EGFR: variants seen among roughly 807,000 people sequenced by gnomAD.
EGFR encodes avian erythroblastic leukemia viral (v-erb-b) oncogene homolog.
Under a neutral mutation model 143.0 loss-of-function variants are expected in EGFR, and 58 were observed. That is an observed-to-expected ratio of 0.41 (90% CI 0.33 to 0.50). The LOEUF (loss-of-function observed/expected upper bound fraction) is 0.50, where lower values mean the gene tolerates loss of function less well. Ranked by LOEUF, EGFR falls within the 20% of genes least tolerant of loss-of-function variation. The probability of loss-of-function intolerance (pLI) is 0.39; values close to 1 mark genes in which losing one functional copy is unlikely to be tolerated. For missense variants in EGFR, 1,307 were observed against 1,579.0 expected (o/e 0.83, Z 2.92); for synonymous variants, 613 against 594.4 (o/e 1.03, Z -0.45).
At chr7:55,036,698 T>C (rs564648057) in intron 1 of EGFR, among the ~76,000 whole-genome samples, 25 of 152,298 alleles carry the variant, frequency 1.6e-4, no homozygotes, top group African/African-American at 6.0e-4. Context: ...TCTCTTAAAT[T>C]CAAAGTGGCC....
At chr7:55,186,296 C>T (rs901022145) in intron 20 of EGFR, among the ~76,000 whole-genome samples, 2 of 152,232 alleles carry the variant, frequency 1.3e-5, no homozygotes, top group Admixed American at 6.5e-5. Context: ...GCTTCCAATG[C>T]AACTGCAAGG....
rs566080004 is a variant in EGFR at position 55,150,422 on chromosome 7, TG to T, written c.560-870del. Among the ~76,000 whole-genome samples the T allele has an allele frequency of 2.0e-3, 302 of 152,304 alleles. 1 individual carries two copies. The highest frequency in any genetic ancestry group is 3.2e-3 in the Non-Finnish European group (221 of 68,032). On this transcript the variant is annotated intron_variant, in intron 4 of 27. Coordinates refer to ENST00000275493, the MANE Select transcript of EGFR (RefSeq NM_005228.5). ...CGGCAATTAGCGCCCTTTGCCTTGG[TG>T]GTATTCTGGCTTCACAGTCACATGG... is the stretch of plus-strand genomic sequence containing the variant.
In EGFR at chr7:55,019,229, C is replaced by T. The variant is rs1434137541; in HGVS notation, c.-49C>T. 2 of 1,395,090 alleles carry T rather than the reference C, an allele frequency of 1.4e-6. No individual in the cohort carries two copies. The highest frequency in any genetic ancestry group is 2.3e-5 in the Admixed American group (1 of 43,162). 86.4% of individuals were successfully genotyped at this position (1,395,090 alleles called of 1,614,324 possible). A position where few individuals can be genotyped will look rare whatever the true frequency, so the allele number is the denominator to read the frequency against. On this transcript the variant is annotated 5_prime_UTR_variant, in exon 1 of 28. Transcript: ENST00000275493. ...ACCACCGCGCACGGCCCCCTGACTCCGTCCAGTATTGATCGGGAGAGCCGG... is the reference window on the plus strand; with the variant it reads ...ACCACCGCGCACGGCCCCCTGACTCTGTCCAGTATTGATCGGGAGAGCCGG...
At chr7:55,131,462 G>C (rs1793827421) in intron 1 of EGFR, among the ~76,000 whole-genome samples, 2 of 152,104 alleles carry the variant, frequency 1.3e-5, no homozygotes, top group South Asian at 4.1e-4. Context: ...TCCTTTTACT[G>C]CTTCTCATCT....
In EGFR at chr7:55,191,781, G is replaced by A. The variant is rs2128964517; in HGVS notation, c.2532G>A (p.Leu844=). 1 of 1,614,060 alleles carries A rather than the reference G, an allele frequency of 6.2e-7. No homozygotes were observed. Among genetic ancestry groups the A allele is most frequent in the Non-Finnish European group, 8.5e-7 (1 of 1,180,030 alleles). Residue 844 remains leucine, a synonymous_variant, in exon 21 of 28, where the codon CTG becomes CTA. Coordinates refer to ENST00000275493, the MANE Select transcript of EGFR (RefSeq NM_005228.5). The part of the protein sequence containing the change: ...VHRDLAARNV[L]VKTPQHVKIT... ...GCGACCTGGCAGCCAGGAACGTACT[G>A]GTGAAAACACCGCAGCATGTCAAGA...
intron 1 of EGFR, among the ~76,000 whole-genome samples, chr7:55,054,668 C>T (rs1788685962): frequency 6.6e-6 from 1 of 152,234 alleles, no homozygotes; most frequent in Non-Finnish European, 1.5e-5. Context: ...CATGGCCCCA[C>T]AGAGAGTGCA....
chr7:55,162,118 G>A (rs1785738011), intron 13 of EGFR, among the ~76,000 whole-genome samples: 1 of 152,180 alleles, frequency 6.6e-6, no homozygotes, highest in African/African-American at 2.4e-5. Context: ...TATACCCACG[G>A]ACAAAGAAAT....
chr7:55,089,944 T>C (rs1267150647), intron 1 of EGFR, among the ~76,000 whole-genome samples: 1 of 1,438 alleles, frequency 7.0e-4, no homozygotes, highest in Non-Finnish European at 2.3e-3. Flanking sequence ...TGCTACTTAT[T>C]TATTTATTTA....
At chr7:55,023,474 C>A (rs146365661) in intron 1 of EGFR, among the ~76,000 whole-genome samples, 4 of 151,986 alleles carry the variant, frequency 2.6e-5, no homozygotes, top group African/African-American at 9.7e-5. Flanking sequence ...ACGGTGAAAC[C>A]CAGTCTCTAC....
intron 1 of EGFR, among the ~76,000 whole-genome samples, chr7:55,035,913 A>G (rs1311208674): frequency 6.6e-6 from 1 of 151,956 alleles, no homozygotes; most frequent in African/African-American, 2.4e-5. Flanking sequence ...AAAGTTTTGT[A>G]TATTTATTTT....
intron 27 of EGFR, among the ~76,000 whole-genome samples, chr7:55,204,499 C>CCA (rs61296141): frequency 3.6e-5 from 5 of 138,774 alleles, no homozygotes; most frequent in East Asian, 2.2e-4. Flanking sequence ...CACAAAAACC[C>CCA]CACACACACA....
intron 6 of EGFR, among the ~76,000 whole-genome samples, chr7:55,153,384 G>A (rs905023121): frequency 2.0e-5 from 3 of 152,254 alleles, no homozygotes; most frequent in Admixed American, 6.5e-5. Flanking sequence ...GGGAGCTGGT[G>A]TGACGAAGCC....
intron 1 of EGFR, among the ~76,000 whole-genome samples, chr7:55,088,983 C>T (rs1790936720): frequency 6.6e-6 from 1 of 152,164 alleles, no homozygotes; most frequent in Admixed American, 6.5e-5. Context: ...AAAGCAAGAA[C>T]CATGCTTTCA....
chr7:55,163,636 C>A, intron 13 of EGFR, 97 bp from the exon 14 acceptor site: 1 of 1,032,922 alleles, frequency 9.7e-7, no homozygotes, highest in Non-Finnish European at 1.5e-6. Context: ...ACTCCTTGAC[C>A]ATTACCTCAA....
In EGFR at chr7:55,100,119, A is replaced by C. The variant is rs149880866; in HGVS notation, c.89-42167A>C. On this transcript the variant is annotated intron_variant, in intron 1 of 27. Transcript: ENST00000275493. ...CAGCATCTCTGAGGCACTGCTCCTC[A>C]GCGGAGACTGTGGTGGCTTTGCCTT... 4.5e-3 allele frequency among the ~76,000 whole-genome samples: 693 copies of C among 152,348 alleles called. 1 individual carries two copies. Among genetic ancestry groups the C allele is most frequent in the Non-Finnish European group, 7.3e-3 (496 of 68,038 alleles).
intron 20 of EGFR, among the ~76,000 whole-genome samples, chr7:55,188,705 A>G (rs1787253944): frequency 6.6e-6 from 1 of 152,140 alleles, no homozygotes; most frequent in Admixed American, 6.5e-5. Flanking sequence ...TTTGGGGACC[A>G]GTTAAAGCAT....
At chr7:55,176,856 AT>A (rs1442151781) in intron 19 of EGFR, among the ~76,000 whole-genome samples, 1 of 146,924 alleles carries the variant, frequency 6.8e-6, no homozygotes, top group Admixed American at 6.8e-5. Flanking sequence ...AGAGATATAT[AT>A]TTAGAGATTT....
chr7:55,113,090 C>A (rs779409930), intron 1 of EGFR, among the ~76,000 whole-genome samples: 47 of 152,330 alleles, frequency 3.1e-4, no homozygotes, highest in Non-Finnish European at 5.7e-4. Flanking sequence ...CACCGACAGG[C>A]TGTCTGCCAG....
At chr7:55,113,084 G>A (rs531162908) in intron 1 of EGFR, among the ~76,000 whole-genome samples, 3 of 152,208 alleles carry the variant, frequency 2.0e-5, no homozygotes, top group Admixed American at 1.3e-4. Context: ...GACAGGCACC[G>A]ACAGGCTGTC....
Sources: allele counts gnomAD v4.1 joint callset (sites outside exome capture counted in the v4.1 genomes callset), GRCh38; gene constraint gnomAD v4.1.1; transcripts MANE v1.5; gene names NCBI Gene and HGNC (gene_info 2026-07-23, HGNC 2026-07-21).